WWOX: variants seen among roughly 807,000 people sequenced by gnomAD.
WWOX encodes the protein WW domain containing oxidoreductase, also known as WW domain-containing oxidoreductase.
WWOX carries 69 observed loss-of-function variants against 46.2 expected under a neutral mutation model. That is an observed-to-expected ratio of 1.49 (90% CI 1.23 to 1.82). The LOEUF is 1.82. WWOX is among the 40% of genes most tolerant of loss of function. The pLI is 0.00. For missense variants in WWOX, 919 were observed against 542.6 expected, an observed-to-expected ratio of 1.69 and a Z score of -6.89; for synonymous variants, 359 against 202.6, an observed-to-expected ratio of 1.77 and a Z score of -6.56.
At chr16:78,877,426 C>G (rs1051665101) in intron 8 of WWOX, among the ~76,000 whole-genome samples, 26 of 152,122 alleles carry the variant, frequency 1.7e-4, no homozygotes, top group African/African-American at 5.6e-4. Context: ...GAGTATTCTT[C>G]CACGTAGCAC....
At chr16:78,835,163 C>T (rs749152348) in intron 8 of WWOX, among the ~76,000 whole-genome samples, 1 of 152,122 alleles carries the variant, frequency 6.6e-6, no homozygotes, top group Non-Finnish European at 1.5e-5. Context: ...GACAGCCTTG[C>T]TTTTGTCATT....
chr16:78,782,813 T>A (rs985034152), intron 8 of WWOX, among the ~76,000 whole-genome samples: 6 of 152,200 alleles, frequency 3.9e-5, no homozygotes, highest in African/African-American at 9.6e-5. Context: ...TGATAAGATG[T>A]ACTGTTATTT....
At chr16:79,188,633 T>C (rs1232731325) in intron 8 of WWOX, among the ~76,000 whole-genome samples, 1 of 152,242 alleles carries the variant, frequency 6.6e-6, no homozygotes, top group Non-Finnish European at 1.5e-5. Flanking sequence ...GAGCCATCTG[T>C]TGCTAGGCAG....
chr16:78,581,760 C>T (rs1256104268), intron 8 of WWOX, among the ~76,000 whole-genome samples: 5 of 152,176 alleles, frequency 3.3e-5, no homozygotes, highest in African/African-American at 9.7e-5. Context: ...ACACCAGGTT[C>T]CCTACCTTTA....
chr16:78,826,905 A>G (rs1283796663), intron 8 of WWOX, among the ~76,000 whole-genome samples: 1 of 152,090 alleles, frequency 6.6e-6, no homozygotes, highest in African/African-American at 2.4e-5. Context: ...AGTGGTATTC[A>G]TTGATCACAC....
chr16:79,154,037 C>G (rs185651201), intron 8 of WWOX, among the ~76,000 whole-genome samples: 1 of 152,310 alleles, frequency 6.6e-6, no homozygotes, highest in East Asian at 1.9e-4. Context: ...CTGCCCAAAT[C>G]CAAAACAACT....
chr16:78,249,426 C>T lies in WWOX; in HGVS notation c.516+85137C>T, dbSNP rs75770688. ...AGTGATAGTAGCTACCTCCAGTGCA[C>T]GCCGCATTAGCCTCTCCAATGAGTT... On this transcript the variant is annotated intron_variant, in intron 5 of 8. Transcript: ENST00000566780. 2.6e-4 allele frequency among the ~76,000 whole-genome samples: 40 copies of T among 152,322 alleles called. No individual in the cohort carries two copies. In the East Asian group the frequency reaches 4.2e-3, roughly 16 times the overall value.
Position 78,975,567 on chromosome 16 carries a change from G to A in WWOX, c.1057-236041G>A, listed in dbSNP as rs74032471. On this transcript the variant is annotated intron_variant, in intron 8 of 8. Transcript: ENST00000566780. ...AATACCACAGATGTGCTGAATGCCT[G>A]TTCATGTACCATATACACATGGTAT... Among the ~76,000 whole-genome samples the A allele has an allele frequency of 7.8e-3, 1,182 of 151,902 alleles. 14 individuals carry two copies. Among genetic ancestry groups the A allele is most frequent in the African/African-American group, 0.027 (1,102 of 41,396 alleles).
chr16:78,879,947 T>C (rs541653985), intron 8 of WWOX, among the ~76,000 whole-genome samples: 1 of 152,166 alleles, frequency 6.6e-6, no homozygotes, highest in Non-Finnish European at 1.5e-5. Context: ...GGTATTATCC[T>C]TTAGTTTAAG....
intron 8 of WWOX, among the ~76,000 whole-genome samples, chr16:78,792,322 C>G (rs574631212): frequency 2.4e-4 from 36 of 152,268 alleles, no homozygotes; most frequent in African/African-American, 8.4e-4. Context: ...CCTTGGATCT[C>G]TCTCCTCTAC....
intron 8 of WWOX, among the ~76,000 whole-genome samples, chr16:78,677,322 G>A (rs1178276875): frequency 6.6e-6 from 1 of 152,138 alleles, no homozygotes; most frequent in African/African-American, 2.4e-5. Context: ...CTCTGCCAGA[G>A]GTTGAAAACT....
chr16:78,866,785 A>C (rs2044013675), intron 8 of WWOX, among the ~76,000 whole-genome samples: 1 of 152,338 alleles, frequency 6.6e-6, no homozygotes, highest in African/African-American at 2.4e-5. Flanking sequence ...GACAGTCTGT[A>C]ATGTATCTTG....
chr16:79,005,596 C>G (rs559881274), intron 8 of WWOX, among the ~76,000 whole-genome samples: 1 of 152,146 alleles, frequency 6.6e-6, no homozygotes, highest in Non-Finnish European at 1.5e-5. Context: ...CATGTTGTCA[C>G]CTCATTGCCA....
intron 8 of WWOX, among the ~76,000 whole-genome samples, chr16:78,856,794 T>C (rs1165544549): frequency 2.0e-5 from 3 of 152,224 alleles, no homozygotes; most frequent in Non-Finnish European, 1.5e-5. Flanking sequence ...CATTTACATA[T>C]ACAGTCATCA....
At chr16:78,863,183 C>G (rs1358287510) in intron 8 of WWOX, among the ~76,000 whole-genome samples, 1 of 152,116 alleles carries the variant, frequency 6.6e-6, no homozygotes, top group Non-Finnish European at 1.5e-5. Flanking sequence ...GTCTCAAACT[C>G]CTGACCTCAG....
At chr16:78,447,214 T>G (rs148694924) in intron 8 of WWOX, among the ~76,000 whole-genome samples, 6 of 152,334 alleles carry the variant, frequency 3.9e-5, no homozygotes, top group African/African-American at 1.4e-4. Context: ...CAGATGGATT[T>G]TCTAAAATTA....
intron 5 of WWOX, among the ~76,000 whole-genome samples, chr16:78,374,541 T>A (rs1377935050): frequency 1.3e-4 from 2 of 15,286 alleles, no homozygotes; most frequent in Non-Finnish European, 6.1e-4. Context: ...TTTTTTTTTT[T>A]TTTTTTTTTT....
intron 8 of WWOX, among the ~76,000 whole-genome samples, chr16:79,182,235 C>T (rs542717098): frequency 7.9e-5 from 12 of 152,094 alleles, no homozygotes; most frequent in African/African-American, 2.4e-4. Context: ...GCATCTGGGG[C>T]TGTACACGTC....
At chr16:78,757,168 C>T (rs1276944048) in intron 8 of WWOX, among the ~76,000 whole-genome samples, 1 of 152,106 alleles carries the variant, frequency 6.6e-6, no homozygotes, top group Non-Finnish European at 1.5e-5. Context: ...CACAGAAATT[C>T]TTGTGCGAGA....
Sources: allele counts gnomAD v4.1 joint callset (sites outside exome capture counted in the v4.1 genomes callset), GRCh38; gene constraint gnomAD v4.1.1; transcripts MANE v1.5; gene names NCBI Gene and HGNC (gene_info 2026-07-23, HGNC 2026-07-21).